Variants in FBXL20 observed in about 807,000 individuals in gnomAD.
The protein encoded by FBXL20 is F-box/LRR-repeat protein 20.
FBXL20 carries 11 observed loss-of-function variants against 64.0 expected under a neutral mutation model. The ratio of observed to expected loss-of-function variants is 0.17; its 90% CI spans 0.11 to 0.28. The LOEUF is 0.28. Among genes scored for constraint, FBXL20 ranks in the 10% least tolerant of loss-of-function variants. FBXL20 has a pLI of 1.00. For synonymous variants in FBXL20, 184 were observed against 189.0 expected, an observed-to-expected ratio of 0.97 and a Z score of 0.22; for missense variants, 303 against 526.2, an observed-to-expected ratio of 0.58 and a Z score of 4.15.
intron 1 of FBXL20, among the ~76,000 whole-genome samples, chr17:39,375,370 A>C (rs965772381): frequency 3.9e-5 from 6 of 152,174 alleles, no homozygotes; most frequent in Admixed American, 6.6e-5. Flanking sequence ...AATAAGAAAC[A>C]AACGAAAAAA....
chr17:39,342,227 G>A (rs1258717057), intron 2 of FBXL20, among the ~76,000 whole-genome samples: 1 of 152,074 alleles, frequency 6.6e-6, no homozygotes, highest in Non-Finnish European at 1.5e-5. Context: ...AGTAGGGCCA[G>A]TTACCAGAGT....
intron 2 of FBXL20, among the ~76,000 whole-genome samples, chr17:39,328,248 C>CAAAAAAAAAAAAA (rs141259755): frequency 1.8e-5 from 1 of 55,092 alleles, no homozygotes; most frequent in African/African-American, 1.0e-4. Context: ...AACTCTGCCT[C>CAAAAAAAAAAAAA]AAAAAAAAAA....
Position 39,280,381 on chromosome 17 carries a change from G to A in FBXL20, c.696+1008C>T, listed in dbSNP as rs568631920. 7.9e-4 allele frequency among the ~76,000 whole-genome samples: 108 copies of A among 137,262 alleles called. No individual in the cohort carries two copies. The South Asian group carries it at 9.9e-3, about 13-fold the overall frequency. The allele number at this position is 137,262 out of a possible 152,430, so 90.0% of individuals were successfully genotyped here. A position where few individuals can be genotyped will look rare whatever the true frequency, so the allele number is the denominator to read the frequency against. ...AGCGTCACTGCACTCTAGCCTGGGC[G>A]ACACAGTGAGACTCTGTCTCAAAAA... On this transcript the variant is annotated intron_variant, in intron 9 of 14. Transcript: ENST00000264658.
In FBXL20 at chr17:39,315,393, TTATATA is replaced by T. The variant is rs59563317; in HGVS notation, c.105-11760_105-11755del. On this transcript the variant is annotated intron_variant, in intron 2 of 14. Coordinates refer to ENST00000264658, the MANE Select transcript of FBXL20 (RefSeq NM_032875.3). The stretch of plus-strand genomic sequence containing the variant: ...TATTAATGGGCAAAGTTTAAATAAT[TTATATA>T]TATATATATATATAGTACATGTCTT... Among the ~76,000 whole-genome samples, 5 of 134,552 alleles carry T rather than the reference TTATATA, an allele frequency of 3.7e-5. 1 individual carries two copies. The highest frequency in any genetic ancestry group is 8.8e-5 in the African/African-American group (3 of 33,902). 88.3% of individuals were successfully genotyped at this position (134,552 alleles called of 152,430 possible).
At chr17:39,324,014 T>TCCCCCCCCCCCCCCCC (rs796758063) in intron 2 of FBXL20, among the ~76,000 whole-genome samples, 1 of 77,372 alleles carries the variant, frequency 1.3e-5, no homozygotes, top group Non-Finnish European at 2.5e-5. Context: ...TCCAACCCCC[T>TCCCCCCCCCCCCCCCC]CCCCCCCCCA....
At chr17:39,329,222 A>G (rs1227824840) in intron 2 of FBXL20, among the ~76,000 whole-genome samples, 1 of 152,314 alleles carries the variant, frequency 6.6e-6, no homozygotes, top group East Asian at 1.9e-4. Flanking sequence ...TGCCTATGTT[A>G]TGATACAGTT....
At chr17:39,402,489 GTGCAGGGCT>G (rs2048259481), upstream of FBXL20, 5 of 331,182 alleles carry the variant, frequency 1.5e-5, no homozygotes, top group Admixed American at 2.4e-4. Flanking sequence ...GGGGTCGGGG[GTGCAGGGCT>G]GGAGCCGGGC....
intron 11 of FBXL20, 135 bp from the exon 12 acceptor site, chr17:39,269,006 C>G: frequency 1.3e-6 from 1 of 782,904 alleles, no homozygotes; most frequent in Non-Finnish European, 2.1e-6. Context: ...TAGTGTCATG[C>G]TAATTTTTTT....
Position 39,276,972 on chromosome 17 carries a change from G to A in FBXL20, c.697-1872C>T, listed in dbSNP as rs145389588. 9.2e-5 allele frequency among the ~76,000 whole-genome samples: 14 copies of A among 152,184 alleles called. 1 individual carries two copies. In the East Asian group the frequency reaches 2.7e-3, roughly 29 times the overall value. ...TTACACATAAACATCTCAACATGGTGGATACTATCAACTCTTCAATTTGTC... is the reference window on the plus strand; with the variant it reads ...TTACACATAAACATCTCAACATGGTAGATACTATCAACTCTTCAATTTGTC... On this transcript the variant is annotated intron_variant, in intron 9 of 14. Coordinates refer to ENST00000264658, the MANE Select transcript of FBXL20 (RefSeq NM_032875.3).
At chr17:39,271,627 T>TG (rs1162424354) in intron 10 of FBXL20, among the ~76,000 whole-genome samples, 9 of 96,266 alleles carry the variant, frequency 9.3e-5, no homozygotes, top group African/African-American at 2.8e-4. Flanking sequence ...AAAAAAAAGG[T>TG]GGGGGGGATT....
At chr17:39,394,191 T>C (rs941089685) in intron 1 of FBXL20, among the ~76,000 whole-genome samples, 4 of 152,162 alleles carry the variant, frequency 2.6e-5, no homozygotes, top group Non-Finnish European at 5.9e-5. Flanking sequence ...CTCCCTCCTT[T>C]GGATTTTCCT....
intron 2 of FBXL20, among the ~76,000 whole-genome samples, chr17:39,318,485 A>G (rs1188878970): frequency 1.3e-5 from 2 of 152,212 alleles, no homozygotes; most frequent in African/African-American, 4.8e-5. Flanking sequence ...TCACGCCTGT[A>G]ATCCCAGCAC....
At chr17:39,387,639 A>C (rs1428995677) in intron 1 of FBXL20, among the ~76,000 whole-genome samples, 1 of 148,512 alleles carries the variant, frequency 6.7e-6, no homozygotes, top group African/African-American at 2.5e-5. Context: ...GTGCAGAGGC[A>C]TGATCTTGGC....
At chr17:39,276,364 AGGAG>A (rs1374408427) in intron 9 of FBXL20, among the ~76,000 whole-genome samples, 1 of 149,222 alleles carries the variant, frequency 6.7e-6, no homozygotes, top group Non-Finnish European at 1.5e-5. Context: ...GAAAGGAAGA[AGGAG>A]GGAGGGAGGG....
intron 2 of FBXL20, among the ~76,000 whole-genome samples, chr17:39,339,407 C>G (rs1210196300): frequency 6.6e-6 from 1 of 152,052 alleles, no homozygotes. Context: ...GTCAAAGCTG[C>G]AGTGAGCTGT....
chr17:39,391,359 A>T (rs1245511322), intron 1 of FBXL20, among the ~76,000 whole-genome samples: 2 of 152,208 alleles, frequency 1.3e-5, no homozygotes, highest in East Asian at 1.9e-4. Context: ...TTAATAGCAG[A>T]TGTAAGCAAA....
chr17:39,322,027 TGCTACAAGACTA>T (rs753890291), intron 2 of FBXL20, among the ~76,000 whole-genome samples: 4 of 151,964 alleles, frequency 2.6e-5, no homozygotes, highest in Non-Finnish European at 4.4e-5. Flanking sequence ...AATAATGTCT[TGCTACAAGACTA>T]ACCACAAGAC....
chr17:39,295,910 A>T (rs1436716857), intron 6 of FBXL20, among the ~76,000 whole-genome samples: 1 of 151,898 alleles, frequency 6.6e-6, no homozygotes, highest in East Asian at 1.9e-4. Context: ...TATTATATAT[A>T]GATTTTCCTC....
intron 2 of FBXL20, among the ~76,000 whole-genome samples, chr17:39,335,327 T>G (rs578083779): frequency 6.6e-6 from 1 of 152,096 alleles, no homozygotes; most frequent in Non-Finnish European, 1.5e-5. Flanking sequence ...GATGTTAATC[T>G]GACTGGGTTG....
Sources: gnomAD v4.1 joint callset for allele counts (sites outside exome capture counted in the v4.1 genomes callset) on GRCh38, gnomAD v4.1.1 for gene constraint, MANE v1.5 for transcripts, NCBI Gene and HGNC (gene_info 2026-07-23, HGNC 2026-07-21) for gene names.